The following KIF25 variants were observed in gnomAD, a reference collection of about 807,000 sequenced individuals.
KIF25 encodes the protein kinesin family member 25.
A neutral mutation model predicts 32.9 loss-of-function variants in KIF25; 19 were observed. The ratio of observed to expected loss-of-function variants is 0.58; its 90% CI spans 0.40 to 0.85. The LOEUF is 0.85. KIF25 is among the 40% of genes least tolerant of loss of function. The pLI is 0.00. For missense variants in KIF25, 485 were observed against 507.0 expected (o/e 0.96, Z 0.42); for synonymous variants, 225 against 213.7 (o/e 1.05, Z -0.46).
At chr6:168,013,072 C>G (rs9355154) in intron 4 of KIF25, among the ~76,000 whole-genome samples, 51,319 of 151,722 alleles carry the variant, frequency 0.34, 9,020 homozygotes, top group South Asian at 0.42. Flanking sequence ...GGGGCTGTTT[C>G]TCAGGTGCTT....
intron 10 of KIF25, among the ~76,000 whole-genome samples, 196 bp from the exon 11 acceptor site, chr6:168,041,773 G>A (rs1202675582): frequency 1.3e-5 from 2 of 152,198 alleles, no homozygotes; most frequent in Non-Finnish European, 2.9e-5. Flanking sequence ...AGTGAAGAAA[G>A]CTGCTTTCTA....
intron 8 of KIF25, among the ~76,000 whole-genome samples, chr6:168,034,849 A>G (rs768515245): frequency 5.3e-5 from 8 of 152,194 alleles, no homozygotes; most frequent in East Asian, 1.9e-4. Flanking sequence ...TTCTAGGGAA[A>G]AATAAAATAG....
chr6:168,022,628 T>G (rs1798802197), intron 5 of KIF25, among the ~76,000 whole-genome samples: 1 of 152,228 alleles, frequency 6.6e-6, no homozygotes, highest in Non-Finnish European at 1.5e-5. Context: ...TGTTCTATTG[T>G]GTCTGGTTCT....
At chr6:168,025,936 T>C (rs943283993) in intron 5 of KIF25, among the ~76,000 whole-genome samples, 2 of 151,888 alleles carry the variant, frequency 1.3e-5, no homozygotes, top group African/African-American at 4.8e-5. Context: ...AGTCACAGAG[T>C]GGCTAGAGCT....
At chr6:168,010,073 T>A (rs1328323781) in intron 4 of KIF25, among the ~76,000 whole-genome samples, 4 of 152,030 alleles carry the variant, frequency 2.6e-5, no homozygotes, top group African/African-American at 9.6e-5. Context: ...GTGGTTCTAA[T>A]CTTTATTTAT....
At chr6:168,044,698 C>T (rs1799192068) in intron 12 of KIF25, 129 bp from the exon 13 acceptor site, 2 of 945,132 alleles carry the variant, frequency 2.1e-6, no homozygotes, top group Non-Finnish European at 3.2e-6. Context: ...CCAGACGTGG[C>T]CACTTTCCCG....
chr6:168,011,733 G>A (rs1294096915), intron 4 of KIF25, among the ~76,000 whole-genome samples: 1 of 152,174 alleles, frequency 6.6e-6, no homozygotes, highest in African/African-American at 2.4e-5. Context: ...CAAGACTTGG[G>A]AAGTTTTCTG....
chr6:168,004,674 C>T (rs1321232391), intron 4 of KIF25, among the ~76,000 whole-genome samples: 4 of 152,108 alleles, frequency 2.6e-5, no homozygotes, highest in Admixed American at 1.3e-4. Context: ...GGGATCGTCA[C>T]GATGAGGGTT....
chr6:168,000,300 A>C (rs1583120977), intron 2 of KIF25, among the ~76,000 whole-genome samples: 2 of 71,730 alleles, frequency 2.8e-5, no homozygotes, highest in Non-Finnish European at 2.7e-5. Context: ...CCCCACTCCC[A>C]TCCTGACCAC....
chr6:168,016,140 G>T (rs1798709682), intron 4 of KIF25, among the ~76,000 whole-genome samples: 1 of 152,158 alleles, frequency 6.6e-6, no homozygotes, highest in African/African-American at 2.4e-5. Context: ...GTTGGATTAG[G>T]GACTGGGAGG....
intron 8 of KIF25, 114 bp from the exon 9 acceptor site, chr6:168,038,439 G>T: frequency 9.9e-7 from 1 of 1,013,408 alleles, no homozygotes. Context: ...CCCTCTGCTC[G>T]GACCCCAGCA....
intron 12 of KIF25, among the ~76,000 whole-genome samples, chr6:168,043,931 C>T (rs912969976): frequency 3.3e-5 from 5 of 152,228 alleles, no homozygotes; most frequent in Non-Finnish European, 7.3e-5. Context: ...ACGGCCCCTG[C>T]CCCAGGGGGG....
chr6:168,010,374 G>A (rs984719830), intron 4 of KIF25, among the ~76,000 whole-genome samples: 29 of 151,558 alleles, frequency 1.9e-4, no homozygotes, highest in South Asian at 8.3e-4. Flanking sequence ...CTTAATTTCC[G>A]CCTTCATCCA....
Position 168,045,058 on chromosome 6 carries a change from T to A in KIF25, c.*62T>A. 4 of 1,471,940 alleles carry A rather than the reference T, an allele frequency of 2.7e-6. No homozygotes were observed. Among genetic ancestry groups the A allele is most frequent in the Non-Finnish European group, 3.7e-6 (4 of 1,092,080 alleles). The allele number at this position is 1,471,940 out of a possible 1,614,324, so 91.2% of individuals were successfully genotyped here. ...TTGTCCTTGCTTTATAATGCATATG[T>A]GCTTAGAAATAAACAGGTTTCACGT... On this transcript the variant is annotated 3_prime_UTR_variant, in exon 13 of 13. Transcript: ENST00000643607.
intron 12 of KIF25, among the ~76,000 whole-genome samples, chr6:168,043,339 T>G (rs922007005): frequency 6.6e-6 from 1 of 152,140 alleles, no homozygotes. Flanking sequence ...GAGGTGGCCC[T>G]GGGCCCTGTA....
At chr6:168,039,943 C>T (rs1232473311) in intron 9 of KIF25, 122 bp from the exon 10 acceptor site, 8 of 1,235,550 alleles carry the variant, frequency 6.5e-6, no homozygotes, top group Non-Finnish European at 7.7e-6. Flanking sequence ...AGACTGGCTT[C>T]AGTACCCCAC....
At chr6:168,029,215 T>C (rs1281703837) in intron 5 of KIF25, among the ~76,000 whole-genome samples, 1 of 152,238 alleles carries the variant, frequency 6.6e-6, no homozygotes, top group East Asian at 1.9e-4. Flanking sequence ...AAAGGTAAGA[T>C]GTACACAAAA....
intron 4 of KIF25, among the ~76,000 whole-genome samples, chr6:168,008,080 A>G (rs1798601882): frequency 6.6e-6 from 1 of 152,184 alleles, no homozygotes; most frequent in Admixed American, 6.5e-5. Context: ...TACCTTATGA[A>G]GGAATACTGT....
chr6:168,016,682 A>T (rs923372525), intron 4 of KIF25, among the ~76,000 whole-genome samples: 1 of 152,240 alleles, frequency 6.6e-6, no homozygotes, highest in Non-Finnish European at 1.5e-5. Flanking sequence ...CGGTGACTTC[A>T]TCTGCTTTCT....
Sources: allele counts gnomAD v4.1 joint callset (sites outside exome capture counted in the v4.1 genomes callset), GRCh38; gene constraint gnomAD v4.1.1; transcripts MANE v1.5; gene names NCBI Gene and HGNC (gene_info 2026-07-23, HGNC 2026-07-21).